The following RABL6 variants were observed in gnomAD, a reference collection of about 807,000 sequenced individuals.
RABL6 encodes RAB, member RAS oncogene family like 6, also known as rab-like protein 6.
In RABL6, 28 loss-of-function variants were observed where a neutral mutation model predicts 72.9. That is an observed-to-expected ratio of 0.38 (90% CI 0.28 to 0.53). The LOEUF (loss-of-function observed/expected upper bound fraction) is 0.53, where lower values mean the gene tolerates loss of function less well. Ranked by LOEUF, RABL6 falls within the 20% of genes least tolerant of loss-of-function variation. RABL6 has a pLI of 0.80. For synonymous variants in RABL6, 477 were observed against 421.2 expected (o/e 1.13, Z -1.62); for missense variants, 1,029 against 1,008.4 (o/e 1.02, Z -0.28).
At chr9:136,837,202 G>A in intron 8 of RABL6, 144 bp from the exon 9 acceptor site, 2 of 945,800 alleles carry the variant, frequency 2.1e-6, no homozygotes, top group Non-Finnish European at 3.4e-6. Flanking sequence ...AAGTGGATGG[G>A]GATGATGGCC....
intron 8 of RABL6, 89 bp downstream of exon 8, chr9:136,835,934 A>T: frequency 7.9e-7 from 1 of 1,261,146 alleles, no homozygotes; most frequent in Middle Eastern, 2.7e-4. Flanking sequence ...AGGAGACAGC[A>T]GAGGGGAGTG....
chr9:136,835,930 C>A, intron 8 of RABL6, 85 bp downstream of exon 8: 2 of 1,287,204 alleles, frequency 1.6e-6, no homozygotes, highest in Non-Finnish European at 2.2e-6. Flanking sequence ...ACCAAGGAGA[C>A]AGCAGAGGGG....
At chr9:136,828,294 G>A (rs564928953) in intron 3 of RABL6, 200 bp from the exon 4 acceptor site, 13 of 583,226 alleles carry the variant, frequency 2.2e-5, no homozygotes, top group African/African-American at 1.9e-4. Flanking sequence ...GCCCAGCCCT[G>A]CCTCCAGAGC....
chr9:136,813,518 A>G, intron 1 of RABL6: 1 of 434,936 alleles, frequency 2.3e-6, no homozygotes, highest in Admixed American at 3.8e-5. Flanking sequence ...TTTCTTCAGA[A>G]GTTTTCTCTG....
At chr9:136,828,591 G>A in intron 4 of RABL6, 45 bp downstream of exon 4, 1 of 1,594,294 alleles carries the variant, frequency 6.3e-7, no homozygotes. Context: ...CAGGGCCCCG[G>A]GGTGCGTGAG....
At chr9:136,835,627 A>G (rs1848570818) in intron 7 of RABL6, 115 bp from the exon 8 acceptor site, 1 of 867,492 alleles carries the variant, frequency 1.2e-6, no homozygotes, top group South Asian at 1.8e-5. Context: ...CCAGCCCTGC[A>G]GCATCTCCTG....
chr9:136,823,991 T>G (rs1315300513), intron 2 of RABL6, among the ~76,000 whole-genome samples: 3 of 152,200 alleles, frequency 2.0e-5, no homozygotes. Flanking sequence ...TTGGTGCACA[T>G]GGTATTTTTT....
chr9:136,832,206 G>A (rs1187930352), intron 6 of RABL6, 59 bp from the exon 7 acceptor site: 9 of 1,485,088 alleles, frequency 6.1e-6, no homozygotes, highest in African/African-American at 4.2e-5. Flanking sequence ...GCCCAGGGGT[G>A]ATCCTTGGCA....
chr9:136,837,003 A>G, intron 8 of RABL6: 1 of 405,496 alleles, frequency 2.5e-6, no homozygotes, highest in Non-Finnish European at 4.7e-6. Flanking sequence ...CCTCCCAAGT[A>G]GCTGGGGCTA....
chr9:136,817,415 C>T (rs78159715), intron 1 of RABL6, among the ~76,000 whole-genome samples: 1,963 of 152,218 alleles, frequency 0.013, 48 homozygotes, highest in African/African-American at 0.045. Flanking sequence ...ATCTTAGATG[C>T]AACCAGAACA....
chr9:136,812,033 A>T (rs747468392), intron 1 of RABL6, among the ~76,000 whole-genome samples: 2 of 152,238 alleles, frequency 1.3e-5, no homozygotes, highest in East Asian at 1.9e-4. Context: ...AATTATTTGC[A>T]TATAAAATTA....
chr9:136,810,541 C>A (rs1847987284), intron 1 of RABL6, among the ~76,000 whole-genome samples: 1 of 151,942 alleles, frequency 6.6e-6, no homozygotes. Flanking sequence ...CTTTTCTTTT[C>A]TTTTCTTTTT....
intron 1 of RABL6, chr9:136,815,596 G>C (rs970000947): frequency 5.7e-6 from 1 of 174,150 alleles, no homozygotes; most frequent in African/African-American, 2.4e-5. Context: ...GGAGCAAGGT[G>C]TGGCTGACAC....
chr9:136,835,581 G>A (rs1295613136), intron 7 of RABL6, 161 bp from the exon 8 acceptor site: 1 of 613,056 alleles, frequency 1.6e-6, no homozygotes, highest in African/African-American at 1.9e-5. Flanking sequence ...TGGTTCAAGT[G>A]GGGCCCAGCG....
At chr9:136,832,644 T>C in intron 7 of RABL6, 1 of 484,552 alleles carries the variant, frequency 2.1e-6, no homozygotes, top group Admixed American at 3.3e-5. Flanking sequence ...GTTGTTTTTG[T>C]TTGTTGAGAT....
At position 136,837,953 on chromosome 9, in the gene RABL6, C is replaced by T. The variant is rs750326983; in HGVS notation, c.1218C>T (p.Asp406=). 2 of 1,566,172 alleles carry T rather than the reference C, an allele frequency of 1.3e-6. No individual in the cohort carries two copies. Among genetic ancestry groups the T allele is most frequent in the Non-Finnish European group, 1.7e-6 (2 of 1,156,296 alleles). The change falls in exon 10 of 15, where the codon GAC becomes GAT. Residue 406 remains aspartate, a synonymous_variant. Coordinates refer to ENST00000311502, the MANE Select transcript of RABL6 (RefSeq NM_024718.5). ...DDRLDRSFLE[D]TTPARDEKKV... ...GCCTGGACCGCAGCTTCCTGGAAGA[C>T]ACAACCCCCGCCAGGGACGAGAAGA...
At chr9:136,824,274 C>T (rs905897105) in intron 2 of RABL6, among the ~76,000 whole-genome samples, 1 of 150,080 alleles carries the variant, frequency 6.7e-6, no homozygotes, top group Non-Finnish European at 1.5e-5. Flanking sequence ...AGCAAAAAGC[C>T]TTGGGGCTGG....
chr9:136,839,137 C>T lies in RABL6; in HGVS notation c.1493+16C>T. 2 of 1,610,204 alleles carry T rather than the reference C, an allele frequency of 1.2e-6. No individual in the cohort carries two copies. The highest frequency in any genetic ancestry group is 1.7e-6 in the Non-Finnish European group (2 of 1,178,394). ...AGACCAAGTGGTAAGGGCAGGTGTC[C>T]CCACGGGTGCGGCCTGGAGACCCGG... On this transcript the variant is annotated intron_variant, in intron 11 of 14. Coordinates refer to ENST00000311502, the MANE Select transcript of RABL6 (RefSeq NM_024718.5).
At chr9:136,820,841 A>G (rs938423878) in intron 1 of RABL6, among the ~76,000 whole-genome samples, 5 of 152,206 alleles carry the variant, frequency 3.3e-5, no homozygotes, top group East Asian at 1.9e-4. Context: ...AAAAATATCA[A>G]TGGAAATTCA....
Sources: allele counts gnomAD v4.1 joint callset (sites outside exome capture counted in the v4.1 genomes callset), GRCh38; gene constraint gnomAD v4.1.1; transcripts MANE v1.5; gene names NCBI Gene and HGNC (gene_info 2026-07-23, HGNC 2026-07-21).